Variants in CACNB4 observed in about 807,000 individuals in gnomAD.
CACNB4 encodes the protein calcium voltage-gated channel auxiliary subunit beta 4.
A neutral mutation model predicts 71.2 loss-of-function variants in CACNB4; 32 were observed. The observed-to-expected ratio is 0.45, with a 90% confidence interval of 0.34 to 0.60. The LOEUF is 0.60. Ranked by LOEUF, CACNB4 falls within the 20% of genes least tolerant of loss-of-function variation. The pLI, the probability that CACNB4 is intolerant of heterozygous loss-of-function variation, is 0.01. For missense variants in CACNB4, 464 were observed against 647.9 expected (o/e 0.72, Z 3.08); for synonymous variants, 231 against 236.9 (o/e 0.97, Z 0.23).
intron 11 of CACNB4, 198 bp downstream of exon 11, chr2:151,855,026 T>C (rs2099839922): frequency 1.0e-5 from 4 of 401,678 alleles, no homozygotes; most frequent in South Asian, 1.1e-4. Context: ...TCTACAATAG[T>C]AGCTTTTAGA....
chr2:152,083,306 C>T (rs1470852667), intron 2 of CACNB4, among the ~76,000 whole-genome samples: 1 of 150,472 alleles, frequency 6.6e-6, no homozygotes, highest in African/African-American at 2.5e-5. Context: ...GCCCCATTAG[C>T]TGCAAAAAGA....
intron 12 of CACNB4, among the ~76,000 whole-genome samples, chr2:151,847,099 CAAAAAAAAA>C (rs397766580): frequency 3.8e-5 from 3 of 79,780 alleles, no homozygotes; most frequent in Admixed American, 1.5e-4. Flanking sequence ...AAACTGACAC[CAAAAAAAAA>C]AAAAAAAAAA....
At chr2:151,926,249 G>A (rs905562775) in intron 2 of CACNB4, among the ~76,000 whole-genome samples, 1 of 152,116 alleles carries the variant, frequency 6.6e-6, no homozygotes. Flanking sequence ...AAAGCCAGAG[G>A]AAAACCAAGA....
intron 2 of CACNB4, among the ~76,000 whole-genome samples, chr2:151,997,317 G>C (rs950971287): frequency 1.2e-4 from 18 of 152,120 alleles, no homozygotes; most frequent in African/African-American, 3.9e-4. Flanking sequence ...GGCGGATCAC[G>C]AGGTCAGGAG....
At chr2:151,949,557 C>A (rs1185203019) in intron 2 of CACNB4, among the ~76,000 whole-genome samples, 1 of 151,980 alleles carries the variant, frequency 6.6e-6, no homozygotes, top group Non-Finnish European at 1.5e-5. Flanking sequence ...CAGGGACCTA[C>A]CAAGTAGGTG....
chr2:151,973,631 G>A (rs190748280), intron 2 of CACNB4: 9 of 1,585,048 alleles, frequency 5.7e-6, no homozygotes, highest in Non-Finnish European at 7.8e-6. Context: ...GGAGGAAGAG[G>A]AGGGGAGAGG....
At chr2:151,949,152 C>T (rs183670886) in intron 2 of CACNB4, among the ~76,000 whole-genome samples, 119 of 151,282 alleles carry the variant, frequency 7.9e-4, no homozygotes, top group African/African-American at 2.5e-3. Flanking sequence ...TCAATTAACA[C>T]GTATGATACC....
At chr2:151,893,870 TTAA>T (rs1172946126) in intron 2 of CACNB4, among the ~76,000 whole-genome samples, 4 of 152,088 alleles carry the variant, frequency 2.6e-5, no homozygotes, top group Admixed American at 2.6e-4. Context: ...CTCTAATAAG[TTAA>T]TAAGAAAAAG....
intron 4 of CACNB4, 179 bp downstream of exon 4, chr2:151,880,621 G>T (rs752361181): frequency 3.6e-4 from 233 of 640,300 alleles, no homozygotes; most frequent in Non-Finnish European, 5.6e-4. Context: ...GATAATGCAA[G>T]CAATGATCTC....
chr2:152,002,564 A>G (rs1453190288), intron 2 of CACNB4, among the ~76,000 whole-genome samples: 1 of 152,246 alleles, frequency 6.6e-6, no homozygotes, highest in Non-Finnish European at 1.5e-5. Flanking sequence ...CAAATATGCA[A>G]CTTATCCAAC....
Position 151,869,122 on chromosome 2 carries a change from T to C in CACNB4, c.758+55A>G, listed in dbSNP as rs554355786. ...AAACATAGATCTACAATTCAATTTA[T>C]CACACAAGTTTGGTTAAAGGAAAAT... On this transcript the variant is annotated intron_variant, in intron 9 of 13. Transcript: ENST00000539935. 154 of 987,420 alleles carry C rather than the reference T, an allele frequency of 1.6e-4. 3 individuals carry two copies. In the South Asian group the frequency reaches 2.0e-3, roughly 13 times the overall value. The allele number at this position is 987,420 out of a possible 1,614,324, so 61.2% of individuals were successfully genotyped here. A position where few individuals can be genotyped will look rare whatever the true frequency, so the allele number is the denominator to read the frequency against.
In CACNB4 at chr2:151,998,599, C is replaced by T. The variant is rs567736373; in HGVS notation, c.147+99731G>A. ...AGATGTGGAAATGATAAGGCCTGTA[C>T]AGAAATCCACGGTGCTTATTATCCT... is the stretch of plus-strand genomic sequence containing the variant. On this transcript the variant is annotated intron_variant, in intron 2 of 13. Transcript: ENST00000539935. Among the ~76,000 whole-genome samples the T allele has an allele frequency of 1.1e-4, 16 of 152,268 alleles. No individual in the cohort carries two copies. The South Asian group carries it at 2.3e-3, about 22-fold the overall frequency.
intron 2 of CACNB4, among the ~76,000 whole-genome samples, chr2:151,990,996 A>C (rs569609542): frequency 3.5e-4 from 53 of 152,340 alleles, no homozygotes; most frequent in African/African-American, 1.2e-3. Flanking sequence ...AGTGTGTTAC[A>C]TATGGAATAC....
chr2:152,034,188 G>A (rs951625779), intron 2 of CACNB4, among the ~76,000 whole-genome samples: 1 of 152,148 alleles, frequency 6.6e-6, no homozygotes, highest in Non-Finnish European at 1.5e-5. Context: ...TTAAATGATC[G>A]GAATGCCCAG....
Position 152,098,288 on chromosome 2 carries a change from T to A in CACNB4, c.147+42A>T. ...GCTCCAGGACCCCCGCGCCGCGCGC[T>A]CGGCCTCCTCCCCATCCTGGTCTCC... On this transcript the variant is annotated intron_variant, in intron 2 of 13. Transcript: ENST00000539935. This position sits in a 1 kb window ranked among gnomAD's most constrained non-coding sequence, Gnocchi z 5.3. The A allele has an allele frequency of 6.6e-7, 1 of 1,524,854 alleles. No individual in the cohort carries two copies. Among genetic ancestry groups the A allele is most frequent in the Non-Finnish European group, 9.1e-7 (1 of 1,100,078 alleles). 94.5% of individuals were successfully genotyped at this position (1,524,854 alleles called of 1,614,324 possible). A position where few individuals can be genotyped will look rare whatever the true frequency, so the allele number is the denominator to read the frequency against.
intron 2 of CACNB4, among the ~76,000 whole-genome samples, chr2:151,981,563 T>C (rs2099874724): frequency 6.6e-6 from 1 of 152,132 alleles, no homozygotes; most frequent in Non-Finnish European, 1.5e-5. Flanking sequence ...AGATAATGGA[T>C]AGATGGTAGC....
chr2:151,910,232 T>C (rs2099855853), intron 2 of CACNB4, among the ~76,000 whole-genome samples: 1 of 152,164 alleles, frequency 6.6e-6, no homozygotes, highest in African/African-American at 2.4e-5. Flanking sequence ...GGGGTTTTTC[T>C]TGTAAATATG....
intron 2 of CACNB4, among the ~76,000 whole-genome samples, chr2:152,023,995 A>C (rs16830608): frequency 0.075 from 11,440 of 152,286 alleles, 467 homozygotes; most frequent in African/African-American, 0.091. Context: ...AGTGCTTAAA[A>C]TATCAGGAGC....
rs1688417167 is a variant in CACNB4 at position 152,098,616 on chromosome 2, AG to A, written c.64-204del. On this transcript the variant is annotated intron_variant, in intron 1 of 13. Transcript: ENST00000539935. The surrounding 1 kb of genome is among the most constrained non-coding windows in gnomAD (Gnocchi z 5.3). ...GCCTCGACTGCTGAAAAGATGCTCG[AG>A]AAGAGCAGCCCGCAAGCACCCACCA... 1 of 1,378,678 alleles carries A rather than the reference AG, an allele frequency of 7.3e-7. No homozygotes were observed. The highest frequency in any genetic ancestry group is 2.0e-5 in the Admixed American group (1 of 50,212). 85.4% of individuals were successfully genotyped at this position (1,378,678 alleles called of 1,614,324 possible). A position where few individuals can be genotyped will look rare whatever the true frequency, so the allele number is the denominator to read the frequency against.
Sources: allele counts gnomAD v4.1 joint callset (sites outside exome capture counted in the v4.1 genomes callset), GRCh38; gene constraint gnomAD v4.1.1; non-coding constraint Gnocchi (gnomAD v3.1); transcripts MANE v1.5; gene names NCBI Gene and HGNC (gene_info 2026-07-23, HGNC 2026-07-21).